Variants in PPP3CA observed in about 807,000 individuals in gnomAD.
The protein encoded by PPP3CA is CAM-PRP catalytic subunit.
A neutral mutation model predicts 66.5 loss-of-function variants in PPP3CA; 14 were observed. That is an observed-to-expected ratio of 0.21 (90% CI 0.14 to 0.33). The LOEUF (loss-of-function observed/expected upper bound fraction) is 0.33. PPP3CA is among the 10% of genes least tolerant of loss of function. The probability of loss-of-function intolerance (pLI) is 1.00; values close to 1 mark genes in which losing one functional copy is unlikely to be tolerated. For missense variants in PPP3CA, 317 were observed against 639.5 expected, an observed-to-expected ratio of 0.50 and a Z score of 5.44; for synonymous variants, 232 against 226.2, an observed-to-expected ratio of 1.03 and a Z score of -0.23.
intron 2 of PPP3CA, among the ~76,000 whole-genome samples, chr4:101,125,425 T>C (rs1722215090): frequency 6.6e-6 from 1 of 152,118 alleles, no homozygotes; most frequent in Non-Finnish European, 1.5e-5. Context: ...AGCAAAACTA[T>C]GCCATGAAAT....
chr4:101,192,256 G>T, intron 2 of PPP3CA, among the ~76,000 whole-genome samples: 1 of 152,040 alleles, frequency 6.6e-6, no homozygotes, highest in Non-Finnish European at 1.5e-5. Context: ...AATAAAAATA[G>T]GATTAAATCC....
chr4:101,301,107 CAT>C (rs1728361088), intron 1 of PPP3CA, among the ~76,000 whole-genome samples: 1 of 151,980 alleles, frequency 6.6e-6, no homozygotes, highest in Admixed American at 6.6e-5. Flanking sequence ...AGACAGTAAA[CAT>C]GTTTATACTT....
intron 6 of PPP3CA, among the ~76,000 whole-genome samples, chr4:101,087,765 T>C (rs2110244446): frequency 6.6e-6 from 1 of 152,298 alleles, no homozygotes; most frequent in African/African-American, 2.4e-5. Flanking sequence ...ACCTTGCACA[T>C]GTCGTTTGAT....
intron 2 of PPP3CA, among the ~76,000 whole-genome samples, chr4:101,119,526 CA>C (rs1318048923): frequency 2.6e-5 from 4 of 151,352 alleles, no homozygotes; most frequent in African/African-American, 7.3e-5. Context: ...AAAACAAAAA[CA>C]AAAAAACACA....
intron 11 of PPP3CA, among the ~76,000 whole-genome samples, chr4:101,036,653 C>A (rs1727265828): frequency 6.6e-6 from 1 of 152,170 alleles, no homozygotes; most frequent in African/African-American, 2.4e-5. Flanking sequence ...ACCTCATGAT[C>A]CACCCGCCTT....
At chr4:101,229,923 A>G (rs1251652946) in intron 1 of PPP3CA, among the ~76,000 whole-genome samples, 1 of 151,656 alleles carries the variant, frequency 6.6e-6, no homozygotes, top group African/African-American at 2.4e-5. Context: ...AATGCCCAAG[A>G]GATTGGAAAA....
In PPP3CA at chr4:101,098,488, A is replaced by G. The variant is rs1730298569; in HGVS notation, c.521T>C (p.Val174Ala). Residue 174 changes from valine (V) to alanine (A), a missense_variant, in exon 5 of 14, where the codon GTA becomes GCA. Coordinates refer to ENST00000394854, the MANE Select transcript of PPP3CA (RefSeq NM_000944.5). ...QECKIKYSERVYDACMDAFDC... is the reference protein window; with the variant it reads ...QECKIKYSERAYDACMDAFDC... ...AAAGGCATCCATACAGGCATCATAT[A>G]CGCGTTCTGAATACTTTATTTTACC... 1 of 1,609,346 alleles carries G rather than the reference A, an allele frequency of 6.2e-7. No homozygotes were observed. Among genetic ancestry groups the G allele is most frequent in the Admixed American group, 1.7e-5 (1 of 59,376 alleles).
chr4:101,092,410 T>C (rs917642526), intron 6 of PPP3CA, among the ~76,000 whole-genome samples: 4 of 150,152 alleles, frequency 2.7e-5, no homozygotes, highest in African/African-American at 7.5e-5. Flanking sequence ...AAGGCTGGTG[T>C]TGGATTTTTT....
At chr4:101,324,550 A>G (rs940243422) in intron 1 of PPP3CA, among the ~76,000 whole-genome samples, 4 of 152,240 alleles carry the variant, frequency 2.6e-5, no homozygotes, top group Admixed American at 1.3e-4. Flanking sequence ...ACATTTAAAA[A>G]AAATTAAAAT....
At chr4:101,343,728 G>A (rs1560728804) in intron 1 of PPP3CA, among the ~76,000 whole-genome samples, 1 of 152,008 alleles carries the variant, frequency 6.6e-6, no homozygotes, top group Non-Finnish European at 1.5e-5. Flanking sequence ...TCATTTTTAA[G>A]GTTTAGAAAA....
At chr4:101,245,725 C>G (rs1319181771) in intron 1 of PPP3CA, among the ~76,000 whole-genome samples, 1 of 151,914 alleles carries the variant, frequency 6.6e-6, no homozygotes, top group Non-Finnish European at 1.5e-5. Flanking sequence ...GTCCTTCACC[C>G]CACCACCAAA....
intron 11 of PPP3CA, among the ~76,000 whole-genome samples, chr4:101,039,398 T>C (rs1727403447): frequency 6.9e-6 from 1 of 145,198 alleles, no homozygotes; most frequent in South Asian, 2.3e-4. Flanking sequence ...TATTTACTTA[T>C]GGCATGAATG....
chr4:101,111,288 A>G (rs1314878665), intron 2 of PPP3CA, among the ~76,000 whole-genome samples: 1 of 152,224 alleles, frequency 6.6e-6, no homozygotes, highest in Non-Finnish European at 1.5e-5. Context: ...TCAAGGAAAC[A>G]AATTATGAAG....
chr4:101,089,129 C>T (rs1182934260), intron 6 of PPP3CA, among the ~76,000 whole-genome samples: 7 of 152,016 alleles, frequency 4.6e-5, no homozygotes, highest in Middle Eastern at 3.4e-3. Context: ...AGAGATGAAG[C>T]GGGCTAGACA....
At chr4:101,173,929 G>A (rs150008561) in intron 2 of PPP3CA, among the ~76,000 whole-genome samples, 1,630 of 152,200 alleles carry the variant, frequency 0.011, 16 homozygotes, top group Non-Finnish European at 0.018. Flanking sequence ...GTGGGTGCCT[G>A]TAGTCCCAGC....
intron 1 of PPP3CA, among the ~76,000 whole-genome samples, chr4:101,257,087 A>G (rs1472414887): frequency 6.6e-6 from 1 of 152,006 alleles, no homozygotes; most frequent in Non-Finnish European, 1.5e-5. Context: ...GGGTCACTTA[A>G]CGTTTCTGAG....
rs185192864 is a variant in PPP3CA, at chr4:101,276,442, A to C, written c.58+70297T>G. The stretch of plus-strand genomic sequence containing the variant: ...TTTTTTCTGAAAATTAAACAGTTTA[A>C]AATAGTTTCAGTCTTTAGTTCAAAT... On this transcript the variant is annotated intron_variant, in intron 1 of 13. Transcript: ENST00000394854. Among the ~76,000 whole-genome samples, 24 of 152,312 alleles carry C rather than the reference A, an allele frequency of 1.6e-4. 1 individual carries two copies. Among genetic ancestry groups the C allele is most frequent in the South Asian group, 1.2e-3 (6 of 4,820 alleles).
At chr4:101,163,523 G>T (rs1723588144) in intron 2 of PPP3CA, among the ~76,000 whole-genome samples, 1 of 152,268 alleles carries the variant, frequency 6.6e-6, no homozygotes, top group African/African-American at 2.4e-5. Flanking sequence ...GAGGACAAGA[G>T]AATATTCTCT....
chr4:101,148,993 T>A (rs1723052149), intron 2 of PPP3CA, among the ~76,000 whole-genome samples: 1 of 152,204 alleles, frequency 6.6e-6, no homozygotes, highest in African/African-American at 2.4e-5. Flanking sequence ...TGAATAAAGA[T>A]AATTTTTTAA....
Sources: allele counts gnomAD v4.1 joint callset (sites outside exome capture counted in the v4.1 genomes callset), GRCh38; gene constraint gnomAD v4.1.1; transcripts MANE v1.5; gene names NCBI Gene and HGNC (gene_info 2026-07-23, HGNC 2026-07-21).